Variants in WWOX observed in about 807,000 individuals in gnomAD.
The protein encoded by WWOX is WW domain-containing oxidoreductase.
Under a neutral mutation model 46.2 loss-of-function variants are expected in WWOX, and 69 were observed. The observed-to-expected ratio is 1.49, with a 90% CI of 1.23 to 1.82. The LOEUF (loss-of-function observed/expected upper bound fraction) is 1.82. WWOX is among the 40% of genes most tolerant of loss of function. WWOX has a pLI of 0.00. For missense variants in WWOX, 919 were observed against 542.6 expected (o/e 1.69, Z -6.89); for synonymous variants, 359 against 202.6 (o/e 1.77, Z -6.56).
In WWOX at chr16:78,947,308, A is replaced by C. The variant is rs1006832152; in HGVS notation, c.1057-264300A>C. 3.3e-5 allele frequency among the ~76,000 whole-genome samples: 5 copies of C among 152,242 alleles called. No individual in the cohort carries two copies. The East Asian group carries it at 9.6e-4, about 29-fold the overall frequency. ...TGTTTCTGCCTGAAGCAATAAAGGC[A>C]GGAACGCTGTCATTAGCTTCAAACA... On this transcript the variant is annotated intron_variant, in intron 8 of 8. Coordinates refer to ENST00000566780, the MANE Select transcript of WWOX (RefSeq NM_016373.4).
At chr16:78,638,759 G>C (rs6564571) in intron 8 of WWOX, among the ~76,000 whole-genome samples, 47,510 of 152,008 alleles carry the variant, frequency 0.31, 7,622 homozygotes, top group African/African-American at 0.37. Flanking sequence ...CTCTCTCTGG[G>C]TTGGGAGGAG....
intron 8 of WWOX, chr16:78,534,576 C>A (rs550465252): frequency 6.6e-6 from 1 of 152,278 alleles, no homozygotes; most frequent in South Asian, 2.1e-4. Flanking sequence ...TTCTGGAAAT[C>A]TTGGAAGGTG....
intron 5 of WWOX, among the ~76,000 whole-genome samples, chr16:78,381,701 C>G (rs557414726): frequency 6.6e-6 from 1 of 152,096 alleles, no homozygotes; most frequent in African/African-American, 2.4e-5. Context: ...TTTCAAGATT[C>G]AGTGATCTCA....
At chr16:78,948,004 G>A (rs2045981752) in intron 8 of WWOX, among the ~76,000 whole-genome samples, 1 of 152,206 alleles carries the variant, frequency 6.6e-6, no homozygotes, top group African/African-American at 2.4e-5. Context: ...AAAGGCAGAG[G>A]GAGGAAGGGT....
At chr16:78,731,845 C>CTTTTTTT (rs200790501) in intron 8 of WWOX, among the ~76,000 whole-genome samples, 1 of 129,122 alleles carries the variant, frequency 7.7e-6, no homozygotes, top group African/African-American at 2.9e-5. Context: ...TTTTCTTTCT[C>CTTTTTTT]TTTTTTTTTT....
chr16:78,587,216 T>TTTTTG (rs2045230607), intron 8 of WWOX, among the ~76,000 whole-genome samples: 5 of 135,060 alleles, frequency 3.7e-5, no homozygotes, highest in African/African-American at 1.2e-4. Flanking sequence ...TTTTTTTTTT[T>TTTTTG]GTAGAAACAG....
intron 8 of WWOX, among the ~76,000 whole-genome samples, chr16:78,546,503 A>C (rs1302016229): frequency 6.6e-6 from 1 of 152,202 alleles, no homozygotes; most frequent in East Asian, 1.9e-4. Context: ...GTGGGATTGC[A>C]ATTACCTTGC....
intron 8 of WWOX, among the ~76,000 whole-genome samples, chr16:78,750,966 T>C (rs1407508401): frequency 6.6e-6 from 1 of 152,154 alleles, no homozygotes; most frequent in Non-Finnish European, 1.5e-5. Context: ...AGTGCAGGTG[T>C]CTTTTTAGTA....
intron 8 of WWOX, among the ~76,000 whole-genome samples, chr16:78,819,224 G>T (rs186998073): frequency 6.6e-6 from 1 of 152,166 alleles, no homozygotes; most frequent in Non-Finnish European, 1.5e-5. Flanking sequence ...CAGCAGGCCA[G>T]TTGTCTTCAG....
At chr16:79,119,305 G>C (rs2049580359) in intron 8 of WWOX, among the ~76,000 whole-genome samples, 1 of 152,176 alleles carries the variant, frequency 6.6e-6, no homozygotes, top group African/African-American at 2.4e-5. Flanking sequence ...CAATTTATGG[G>C]CTACATTAAC....
intron 8 of WWOX, among the ~76,000 whole-genome samples, chr16:78,545,071 G>A (rs999341336): frequency 7.6e-4 from 115 of 152,222 alleles, no homozygotes; most frequent in African/African-American, 2.6e-3. Context: ...CAAACCAAAC[G>A]TGAATTAAGT....
intron 8 of WWOX, among the ~76,000 whole-genome samples, chr16:78,695,919 A>G (rs1351718595): frequency 1.3e-5 from 2 of 152,164 alleles, no homozygotes; most frequent in Non-Finnish European, 2.9e-5. Context: ...GGGTCCCTGG[A>G]CCGGCAGCAT....
intron 8 of WWOX, among the ~76,000 whole-genome samples, chr16:79,142,181 G>A (rs1032641285): frequency 1.3e-5 from 2 of 152,058 alleles, no homozygotes; most frequent in African/African-American, 4.8e-5. Flanking sequence ...GATATTCCAG[G>A]GATGGAGGTG....
chr16:78,491,427 A>G (rs1198088577), intron 8 of WWOX, among the ~76,000 whole-genome samples: 1 of 152,026 alleles, frequency 6.6e-6, no homozygotes, highest in Non-Finnish European at 1.5e-5. Flanking sequence ...CCCCACACTG[A>G]TGGGTATTTA....
intron 5 of WWOX, among the ~76,000 whole-genome samples, chr16:78,318,403 C>T (rs1182906372): frequency 6.6e-6 from 1 of 151,330 alleles, no homozygotes; most frequent in Non-Finnish European, 1.5e-5. Context: ...TGCGTCACTG[C>T]ACTTCAGCCT....
intron 8 of WWOX, among the ~76,000 whole-genome samples, chr16:78,953,101 T>A (rs2046095793): frequency 6.6e-6 from 1 of 152,038 alleles, no homozygotes. Flanking sequence ...AATTGACTGT[T>A]AAATTCAATC....
intron 8 of WWOX, among the ~76,000 whole-genome samples, chr16:78,889,189 C>T (rs548252909): frequency 6.6e-6 from 1 of 152,278 alleles, no homozygotes; most frequent in African/African-American, 2.4e-5. Context: ...CAGGGATTGG[C>T]AAATGACAGT....
chr16:79,022,469 T>G (rs1441939336), intron 8 of WWOX, among the ~76,000 whole-genome samples: 3 of 151,944 alleles, frequency 2.0e-5, no homozygotes, highest in Non-Finnish European at 4.4e-5. Context: ...CTCTGTGCCC[T>G]TTTACAGCCT....
intron 8 of WWOX, among the ~76,000 whole-genome samples, chr16:79,191,347 C>T (rs530712071): frequency 1.1e-4 from 17 of 152,254 alleles, no homozygotes; most frequent in Middle Eastern, 3.4e-3. Context: ...TGAGCCAGCG[C>T]GCCCAGCCCA....
Sources: allele counts gnomAD v4.1 joint callset (sites outside exome capture counted in the v4.1 genomes callset), GRCh38; gene constraint gnomAD v4.1.1; transcripts MANE v1.5; gene names NCBI Gene and HGNC (gene_info 2026-07-23, HGNC 2026-07-21).